Variants in IRAG1 observed in about 807,000 individuals in gnomAD.
The protein encoded by IRAG1 is IP3R-associated cGMP kinase substrate.
A neutral mutation model predicts 106.2 loss-of-function variants in IRAG1; 62 were observed. That is an observed-to-expected ratio of 0.58 (90% CI 0.48 to 0.72). The LOEUF is 0.72. IRAG1 is among the 30% of genes least tolerant of loss of function. IRAG1 has a pLI of 0.00. For synonymous variants in IRAG1, 462 were observed against 443.9 expected (o/e 1.04, Z -0.51); for missense variants, 1,064 against 1,140.7 (o/e 0.93, Z 0.97).
chr11:10,601,467 T>C (rs1854001599), intron 14 of IRAG1, among the ~76,000 whole-genome samples: 1 of 152,132 alleles, frequency 6.6e-6, no homozygotes. Context: ...GGCTTATATG[T>C]AGATGAGGTT....
chr11:10,692,529 G>T (rs1458444660), intron 1 of IRAG1, among the ~76,000 whole-genome samples: 2 of 152,018 alleles, frequency 1.3e-5, no homozygotes, highest in Non-Finnish European at 2.9e-5. Flanking sequence ...CCCTCGGTGG[G>T]GGCAATACAA....
chr11:10,579,812 G>A (rs1345935809), intron 20 of IRAG1, among the ~76,000 whole-genome samples: 1 of 152,144 alleles, frequency 6.6e-6, no homozygotes, highest in Non-Finnish European at 1.5e-5. Flanking sequence ...ACAAGATACA[G>A]GTCTATATTC....
At chr11:10,654,199 A>G (rs1858743545) in intron 1 of IRAG1, among the ~76,000 whole-genome samples, 1 of 151,368 alleles carries the variant, frequency 6.6e-6, no homozygotes, top group African/African-American at 2.4e-5. Context: ...GCACTGGAGA[A>G]AAGGCCTGAG....
chr11:10,667,970 A>G (rs921643202), intron 1 of IRAG1, among the ~76,000 whole-genome samples: 3 of 152,148 alleles, frequency 2.0e-5, no homozygotes, highest in African/African-American at 4.8e-5. Flanking sequence ...GAGACTGCCA[A>G]ACCTCTCTGT....
At chr11:10,591,709 G>C in intron 17 of IRAG1, 97 bp from the exon 18 acceptor site, 1 of 1,113,070 alleles carries the variant, frequency 9.0e-7, no homozygotes, top group Non-Finnish European at 1.3e-6. Context: ...CGGGGCTGCT[G>C]CTTCTCCTCT....
At chr11:10,581,486 G>C (rs529957049) in intron 19 of IRAG1, among the ~76,000 whole-genome samples, 1 of 152,122 alleles carries the variant, frequency 6.6e-6, no homozygotes, top group South Asian at 2.1e-4. Context: ...CAGTTCTAGG[G>C]AGCAGAGCTG....
At chr11:10,650,358 C>T (rs1227002609) in intron 2 of IRAG1, among the ~76,000 whole-genome samples, 1 of 152,240 alleles carries the variant, frequency 6.6e-6, no homozygotes, top group Non-Finnish European at 1.5e-5. Context: ...TCTTCACTGA[C>T]AGCAGGGGTG....
chr11:10,601,764 G>C (rs1854037251), intron 14 of IRAG1, among the ~76,000 whole-genome samples: 2 of 152,232 alleles, frequency 1.3e-5, no homozygotes, highest in South Asian at 4.1e-4. Context: ...GTAGAGATGG[G>C]ACTCAAGGGA....
At chr11:10,639,790 A>C (rs1857389703) in intron 2 of IRAG1, among the ~76,000 whole-genome samples, 1 of 152,188 alleles carries the variant, frequency 6.6e-6, no homozygotes. Context: ...ACAAACATTT[A>C]CTGAAGAGTC....
At position 10,626,409 on chromosome 11, in the gene IRAG1, C is replaced by G; in HGVS notation, c.925G>C (p.Val309Leu). 1 of 1,613,954 alleles carries G rather than the reference C, an allele frequency of 6.2e-7. No individual in the cohort carries two copies. The highest frequency in any genetic ancestry group is 2.2e-5 in the East Asian group (1 of 44,872). ...PETTPKGLAPVTNSSGKMALN... is the reference protein window; with the variant it reads ...PETTPKGLAPLTNSSGKMALN... ...GCCATTTTCCCACTGCTGTTTGTAA[C>G]AGGAGCTAGGCCTTTGGGTGTGGTC... The change falls in exon 9 of 21, where the codon GTT becomes CTT. Residue 309 changes from valine to leucine, a missense_variant. Coordinates refer to ENST00000423302, the MANE Select transcript of IRAG1 (RefSeq NM_130385.4).
intron 18 of IRAG1, 119 bp from the exon 19 acceptor site, chr11:10,582,105 A>T: frequency 2.4e-6 from 3 of 1,241,016 alleles, no homozygotes; most frequent in South Asian, 3.4e-5. Context: ...TTTTTCAGTA[A>T]CTTTCAGATT....
In IRAG1 at chr11:10,626,225, A is replaced by C; in HGVS notation, c.1109T>G (p.Met370Arg). The change falls in exon 9 of 21, where the codon ATG becomes AGG. Residue 370 changes from methionine to arginine, a missense_variant. Transcript: ENST00000423302. ...AGCTTTGGAGCCAGCCTCGGGCCCC[A>C]TCGGCTCTCCAGCTGGGCCTCTCCC... ...SQGRGPAGEP[M>R]GPEAGSKAEL... The C allele has an allele frequency of 6.3e-7, 1 of 1,598,246 alleles. No homozygotes were observed. The highest frequency in any genetic ancestry group is 1.3e-5 in the African/African-American group (1 of 74,660).
chr11:10,606,096 C>T (rs924962824), intron 12 of IRAG1, among the ~76,000 whole-genome samples: 1 of 152,236 alleles, frequency 6.6e-6, no homozygotes, highest in African/African-American at 2.4e-5. Context: ...GTTATAGATA[C>T]TACCTGTGGT....
At chr11:10,644,791 C>A (rs1559653) in intron 2 of IRAG1, among the ~76,000 whole-genome samples, 1 of 152,186 alleles carries the variant, frequency 6.6e-6, no homozygotes, top group African/African-American at 2.4e-5. Flanking sequence ...CTTTGGGTCA[C>A]ACACCTTTTC....
intron 1 of IRAG1, among the ~76,000 whole-genome samples, chr11:10,663,891 C>G (rs866023044): frequency 6.6e-6 from 1 of 152,100 alleles, no homozygotes; most frequent in Non-Finnish European, 1.5e-5. Context: ...GGAAATGGAG[C>G]CTTAGACAAG....
Position 10,693,649 on chromosome 11 carries a change from CTCT to C in IRAG1, c.-50_-48del. 2 of 1,532,636 alleles carry C rather than the reference CTCT, an allele frequency of 1.3e-6. No individual in the cohort carries two copies. The highest frequency in any genetic ancestry group is 1.7e-6 in the Non-Finnish European group (2 of 1,145,720). The allele number at this position is 1,532,636 out of a possible 1,614,324, so 94.9% of individuals were successfully genotyped here. A position where few individuals can be genotyped will look rare whatever the true frequency, so the allele number is the denominator to read the frequency against. On this transcript the variant is annotated 5_prime_UTR_variant, in exon 1 of 21. Transcript: ENST00000423302. ...GCTCCGGAGCTCAGAGCCGAGAAGC[CTCT>C]GGCTGCAGAACCTCGGCCGCACGCC...
chr11:10,620,165 C>T (rs145447727), intron 10 of IRAG1, among the ~76,000 whole-genome samples: 1 of 152,182 alleles, frequency 6.6e-6, no homozygotes, highest in Non-Finnish European at 1.5e-5. Context: ...TTCATTATAA[C>T]AGTGTTTTTA....
At chr11:10,676,095 C>T (rs1373136500) in intron 1 of IRAG1, among the ~76,000 whole-genome samples, 1 of 152,258 alleles carries the variant, frequency 6.6e-6, no homozygotes, top group African/African-American at 2.4e-5. Context: ...TCTTTGTGAT[C>T]ATGTCCTTTA....
chr11:10,637,780 C>T lies in IRAG1; in HGVS notation c.226-3709G>A, dbSNP rs138299097. Among the ~76,000 whole-genome samples the T allele has an allele frequency of 7.3e-3, 1,114 of 152,026 alleles. 16 individuals carry two copies. The highest frequency in any genetic ancestry group is 0.026 in the African/African-American group (1,064 of 41,450). ...GAAGTGGAACAATGATCTGGGGCCC[C>T]GAGGACATGCAGTGGAACAGTATTC... is the stretch of plus-strand genomic sequence containing the variant. On this transcript the variant is annotated intron_variant, in intron 2 of 20. Coordinates refer to ENST00000423302, the MANE Select transcript of IRAG1 (RefSeq NM_130385.4).
Sources: allele counts gnomAD v4.1 joint callset (sites outside exome capture counted in the v4.1 genomes callset), GRCh38; gene constraint gnomAD v4.1.1; transcripts MANE v1.5; gene names NCBI Gene and HGNC (gene_info 2026-07-23, HGNC 2026-07-21).